Variants in RAB38 observed in about 807,000 individuals in gnomAD.
RAB38 encodes the protein ras-related protein Rab-38.
Under a neutral mutation model 18.4 loss-of-function variants are expected in RAB38, and 15 were observed. The observed-to-expected ratio is 0.82, with a 90% CI of 0.55 to 1.26. RAB38 has a LOEUF of 1.26. RAB38 is among the 50% of genes most tolerant of loss of function. The probability of loss-of-function intolerance (pLI) is 0.00; values close to 1 mark genes in which losing one functional copy is unlikely to be tolerated. For synonymous variants in RAB38, 101 were observed against 104.4 expected (o/e 0.97, Z 0.20); for missense variants, 294 against 267.4 (o/e 1.10, Z -0.69).
At chr11:88,071,575 G>A in the RAB38 span, among the ~76,000 whole-genome samples, 2 of 152,090 alleles carry the variant, frequency 1.3e-5, no homozygotes, top group African/African-American at 4.8e-5. Flanking sequence ...CATATAAAGA[G>A]GGCATAAATT....
chr11:88,018,759 A>G, the RAB38 span, among the ~76,000 whole-genome samples: 1 of 152,156 alleles, frequency 6.6e-6, no homozygotes, highest in Non-Finnish European at 1.5e-5. Flanking sequence ...TACTTATAAT[A>G]TCTAATACAA....
At chr11:88,124,203 C>T (rs891303140) in intron 2 of RAB38, among the ~76,000 whole-genome samples, 8 of 152,268 alleles carry the variant, frequency 5.3e-5, no homozygotes, top group East Asian at 1.9e-4. Flanking sequence ...CCATTCAGGA[C>T]GTAGGCATGG....
the RAB38 span, among the ~76,000 whole-genome samples, chr11:88,012,954 C>T: frequency 3.3e-5 from 5 of 152,088 alleles, no homozygotes; most frequent in Non-Finnish European, 5.9e-5. Flanking sequence ...TATTGTGTTA[C>T]AAAGAGGGTC....
the RAB38 span, among the ~76,000 whole-genome samples, chr11:87,933,632 G>T: frequency 6.6e-6 from 1 of 151,866 alleles, no homozygotes; most frequent in Non-Finnish European, 1.5e-5. Context: ...ACAGCCAAGA[G>T]GTGGATAACA....
the RAB38 span, among the ~76,000 whole-genome samples, chr11:88,011,046 C>T: frequency 6.6e-6 from 1 of 152,168 alleles, no homozygotes; most frequent in African/African-American, 2.4e-5. Context: ...TAGTCAGAGT[C>T]ATTTACAGAG....
the RAB38 span, among the ~76,000 whole-genome samples, chr11:87,831,490 GT>G: frequency 6.6e-6 from 1 of 152,184 alleles, no homozygotes; most frequent in African/African-American, 2.4e-5. Flanking sequence ...TGTGAAAAAG[GT>G]GGACTTTCAA....
At chr11:87,822,152 A>G in the RAB38 span, among the ~76,000 whole-genome samples, 4 of 152,218 alleles carry the variant, frequency 2.6e-5, no homozygotes, top group African/African-American at 7.2e-5. Flanking sequence ...AAAAAGTGTA[A>G]GAAAAAAAAA....
At chr11:87,968,582 C>T in the RAB38 span, among the ~76,000 whole-genome samples, 1 of 152,100 alleles carries the variant, frequency 6.6e-6, no homozygotes, top group African/African-American at 2.4e-5. Flanking sequence ...ATCAATATTA[C>T]TCAATGTTGT....
At chr11:87,951,665 C>T in the RAB38 span, among the ~76,000 whole-genome samples, 2,649 of 152,294 alleles carry the variant, frequency 0.017, 80 homozygotes, top group African/African-American at 0.061. Flanking sequence ...AGGTCCACTC[C>T]AGACCCTGTT....
chr11:87,976,842 T>TTA, the RAB38 span, among the ~76,000 whole-genome samples: 11 of 54,336 alleles, frequency 2.0e-4, 3 homozygotes, highest in African/African-American at 7.1e-4. Context: ...TAAATATATA[T>TTA]TGTGTTATAT....
the RAB38 span, among the ~76,000 whole-genome samples, chr11:88,057,272 G>T: frequency 6.6e-6 from 1 of 152,126 alleles, no homozygotes. Context: ...GGTGGAATTT[G>T]CCCTCCCAAT....
At chr11:88,124,572 T>C (rs770914214) in intron 2 of RAB38, among the ~76,000 whole-genome samples, 1 of 152,178 alleles carries the variant, frequency 6.6e-6, no homozygotes, top group Non-Finnish European at 1.5e-5. Context: ...CTACCAAAAT[T>C]CTGGCCTCAA....
the RAB38 span, among the ~76,000 whole-genome samples, chr11:87,947,160 C>T: frequency 6.6e-6 from 1 of 152,086 alleles, no homozygotes; most frequent in Non-Finnish European, 1.5e-5. Context: ...AGTATTTTTT[C>T]ATGTGTTTTT....
At chr11:88,086,324 T>C in the RAB38 span, among the ~76,000 whole-genome samples, 4 of 152,060 alleles carry the variant, frequency 2.6e-5, no homozygotes, top group African/African-American at 9.6e-5. Flanking sequence ...CAAGGAGTAG[T>C]AGATGAGTTC....
the RAB38 span, among the ~76,000 whole-genome samples, chr11:88,009,290 G>A: frequency 6.6e-6 from 1 of 152,108 alleles, no homozygotes; most frequent in Non-Finnish European, 1.5e-5. Flanking sequence ...TAGAGGCACT[G>A]CTATTCAAGC....
chr11:88,093,467 T>C, the RAB38 span, among the ~76,000 whole-genome samples: 5 of 141,280 alleles, frequency 3.5e-5, no homozygotes, highest in Non-Finnish European at 7.7e-5. Flanking sequence ...CATACTAACA[T>C]ACATCGAATT....
chr11:88,045,403 C>T, the RAB38 span, among the ~76,000 whole-genome samples: 1 of 152,182 alleles, frequency 6.6e-6, no homozygotes, highest in African/African-American at 2.4e-5. Flanking sequence ...GAAGAACTTC[C>T]AAATGCCTGA....
At position 88,175,186 on chromosome 11, in the gene RAB38, C is replaced by T; in HGVS notation, c.199G>A (p.Ala67Thr). The change falls in exon 1 of 3, where the codon GCA becomes ACA. Residue 67 changes from alanine (A) to threonine (T), a missense_variant. Physicochemically the swap from Ala to Thr is moderately conservative, Grantham distance 58 (BLOSUM62 0). Transcript: ENST00000243662. ...TVVRLQLWDI[A>T]GQERFGNMTR... The stretch of plus-strand genomic sequence containing the variant: ...GACCCCCTCCCCCCGCGCTCACCTG[C>T]GATATCCCAGAGCTGCAGGCGCACC... 6.2e-7 allele frequency: 1 copy of T among 1,604,668 alleles called. No homozygotes were observed. Among genetic ancestry groups the T allele is most frequent in the Non-Finnish European group, 8.5e-7 (1 of 1,174,816 alleles).
At chr11:88,122,609 C>G (rs1398244907) in intron 2 of RAB38, among the ~76,000 whole-genome samples, 1 of 152,192 alleles carries the variant, frequency 6.6e-6, no homozygotes, top group Non-Finnish European at 1.5e-5. Flanking sequence ...TCATTTAACC[C>G]TTACTACACC....
Sources: allele counts gnomAD v4.1 joint callset (sites outside exome capture counted in the v4.1 genomes callset), GRCh38; gene constraint gnomAD v4.1.1; transcripts MANE v1.5; gene names NCBI Gene and HGNC (gene_info 2026-07-23, HGNC 2026-07-21).